The following MRPS22 variants were observed in gnomAD, a reference collection of about 807,000 sequenced individuals.
The protein encoded by MRPS22 is mitochondrial ribosomal protein S22, also known as small ribosomal subunit protein mS22.
MRPS22 carries 30 observed loss-of-function variants against 44.0 expected under a neutral mutation model. That is an observed-to-expected ratio of 0.68 (90% CI 0.51 to 0.93). MRPS22 has a LOEUF of 0.93. Among genes scored for constraint, MRPS22 ranks in the 40% least tolerant of loss-of-function variants. The pLI is 0.00. For missense variants in MRPS22, 447 were observed against 447.8 expected (o/e 1.00, Z 0.02); for synonymous variants, 165 against 154.4 (o/e 1.07, Z -0.51).
Position 139,344,202 on chromosome 3 carries a change from AGT to A in MRPS22, c.172+6_172+7del. On this transcript the variant is annotated splice_donor_5th_base_variant and intron_variant, in intron 1 of 7. Transcript: ENST00000680020. The stretch of plus-strand genomic sequence containing the variant: ...CGCCGGTTCAGCTCCGAGGCCGGTA[AGT>A]GACCTTCCGGACTTTCGCTGGGGCG... 2.5e-6 allele frequency: 4 copies of A among 1,604,046 alleles called. No individual in the cohort carries two copies. Among genetic ancestry groups the A allele is most frequent in the Non-Finnish European group, 3.4e-6 (4 of 1,176,112 alleles).
intron 5 of MRPS22, 167 bp from the exon 6 acceptor site, chr3:139,352,480 T>C (rs967296125): frequency 1.0e-4 from 64 of 621,532 alleles, no homozygotes; most frequent in South Asian, 1.6e-4. Context: ...AGGTGGGTTG[T>C]ACTAGGAATG....
intron 6 of MRPS22, 57 bp downstream of exon 6, chr3:139,352,849 G>A: frequency 6.4e-7 from 1 of 1,558,198 alleles, no homozygotes; most frequent in Non-Finnish European, 8.8e-7. Flanking sequence ...CAGTTCATCT[G>A]TATTTAGGCT....
chr3:139,348,616 A>G (rs1379557129), intron 3 of MRPS22: 1 of 330,540 alleles, frequency 3.0e-6, no homozygotes, highest in Admixed American at 4.5e-5. Flanking sequence ...CCAAACCACA[A>G]ATGGACAAAA....
At chr3:139,349,833 T>C (rs930068768) in intron 3 of MRPS22, among the ~76,000 whole-genome samples, 6 of 152,230 alleles carry the variant, frequency 3.9e-5, no homozygotes, top group African/African-American at 7.2e-5. Flanking sequence ...GATGAGACTT[T>C]GGGATAGAGA....
intron 6 of MRPS22, among the ~76,000 whole-genome samples, 175 bp downstream of exon 6, chr3:139,352,967 A>G (rs1941180923): frequency 6.6e-6 from 1 of 152,124 alleles, no homozygotes; most frequent in Non-Finnish European, 1.5e-5. Context: ...GCTTTTATAT[A>G]AAGTGTAAGT....
chr3:139,349,414 GTTAA>G, intron 3 of MRPS22: 3 of 404,882 alleles, frequency 7.4e-6, no homozygotes, highest in Non-Finnish European at 1.4e-5. Flanking sequence ...GTACTGTTTG[GTTAA>G]TTTATACATT....
chr3:139,345,274 C>T (rs564537906), intron 1 of MRPS22, among the ~76,000 whole-genome samples: 1 of 152,100 alleles, frequency 6.6e-6, no homozygotes, highest in Non-Finnish European at 1.5e-5. Flanking sequence ...AAAGAGATTA[C>T]TCTGGTTGCT....
intron 5 of MRPS22, chr3:139,352,302 C>A: frequency 3.9e-6 from 1 of 258,450 alleles, no homozygotes. Flanking sequence ...AAGACAGGGT[C>A]TTATTCTGTG....
chr3:139,355,537 CTG>C, intron 6 of MRPS22, 143 bp from the exon 7 acceptor site: 1 of 731,172 alleles, frequency 1.4e-6, no homozygotes, highest in Non-Finnish European at 2.4e-6. Flanking sequence ...GCTTTTGAAA[CTG>C]TAAAACTGAA....
At chr3:139,354,738 GAA>G (rs1024111745) in intron 6 of MRPS22, among the ~76,000 whole-genome samples, 1 of 152,150 alleles carries the variant, frequency 6.6e-6, no homozygotes, top group African/African-American at 2.4e-5. Flanking sequence ...AGGGAAGGCT[GAA>G]GAGTGCTAGC....
chr3:139,350,848 GTTCT>G, intron 4 of MRPS22, 125 bp from the exon 5 acceptor site: 3 of 768,236 alleles, frequency 3.9e-6, no homozygotes, highest in Non-Finnish European at 7.1e-6. Context: ...CAAAGCCTGT[GTTCT>G]TTCTTTATGC....
chr3:139,347,423 A>C (rs1941060245), intron 2 of MRPS22, among the ~76,000 whole-genome samples: 1 of 152,198 alleles, frequency 6.6e-6, no homozygotes, highest in Non-Finnish European at 1.5e-5. Context: ...CATGTTTTCC[A>C]GGCACCAGTG....
At chr3:139,354,860 G>A (rs1027933875) in intron 6 of MRPS22, among the ~76,000 whole-genome samples, 6 of 152,176 alleles carry the variant, frequency 3.9e-5, no homozygotes, top group African/African-American at 1.2e-4. Context: ...TTTGAGTGTC[G>A]TTTTTCTGTG....
chr3:139,348,073 C>G, intron 2 of MRPS22, 87 bp from the exon 3 acceptor site: 2 of 1,398,772 alleles, frequency 1.4e-6, no homozygotes, highest in Non-Finnish European at 9.9e-7. Context: ...CAGGTTTTTG[C>G]ATTTTTTATT....
rs115060716 is a variant in MRPS22 at position 139,346,553 on chromosome 3, G to A, written c.173-325G>A. Among the ~76,000 whole-genome samples, 160 of 152,274 alleles carry A rather than the reference G, an allele frequency of 1.1e-3. 2 individuals carry two copies. Among genetic ancestry groups the A allele is most frequent in the African/African-American group, 3.7e-3 (152 of 41,548 alleles). On this transcript the variant is annotated intron_variant, in intron 1 of 7. Coordinates refer to ENST00000680020, the MANE Select transcript of MRPS22 (RefSeq NM_020191.4). ...TTTGTGAGTGGTTATAAGCATTCCT[G>A]AAAATGTGTGTTATACCTGCCATAT...
chr3:139,344,283 C>T (rs914026137), intron 1 of MRPS22, 85 bp downstream of exon 1: 31 of 1,384,866 alleles, frequency 2.2e-5, no homozygotes, highest in Middle Eastern at 4.9e-4. Context: ...ACGCGATAGC[C>T]CCCGCGACAC....
chr3:139,352,159 G>A (rs936785176), intron 5 of MRPS22: 5 of 170,578 alleles, frequency 2.9e-5, no homozygotes, highest in Non-Finnish European at 5.1e-5. Flanking sequence ...ATAAATTGTA[G>A]TTGGCCTGCC....
chr3:139,356,730 G>T (rs1245569558), intron 7 of MRPS22, among the ~76,000 whole-genome samples, 189 bp from the exon 8 acceptor site: 2 of 151,608 alleles, frequency 1.3e-5, no homozygotes, highest in Non-Finnish European at 2.9e-5. Flanking sequence ...AAATGTGTTG[G>T]GTATTGTTTT....
intron 6 of MRPS22, 169 bp from the exon 7 acceptor site, chr3:139,355,513 A>G (rs1370458156): frequency 7.5e-6 from 5 of 669,172 alleles, no homozygotes; most frequent in Admixed American, 2.3e-5. Context: ...AAATTAGTCA[A>G]TTTTCCTGAA....
Sources: allele counts gnomAD v4.1 joint callset (sites outside exome capture counted in the v4.1 genomes callset), GRCh38; gene constraint gnomAD v4.1.1; transcripts MANE v1.5; gene names NCBI Gene and HGNC (gene_info 2026-07-23, HGNC 2026-07-21).